Variants in ADGRL2 observed in about 807,000 individuals in gnomAD.
ADGRL2 encodes the protein calcium-independent alpha-latrotoxin receptor 2.
A neutral mutation model predicts 157.4 loss-of-function variants in ADGRL2; 44 were observed. The observed-to-expected ratio is 0.28, with a 90% confidence interval of 0.22 to 0.36. The LOEUF is 0.36. Ranked by LOEUF, ADGRL2 falls within the 10% of genes least tolerant of loss-of-function variation. ADGRL2 has a pLI of 1.00. For synonymous variants in ADGRL2, 585 were observed against 624.7 expected, an observed-to-expected ratio of 0.94 and a Z score of 0.95; for missense variants, 1,510 against 1,768.9, an observed-to-expected ratio of 0.85 and a Z score of 2.63.
At chr1:81,753,535 G>A (rs1376908427) in intron 1 of ADGRL2, among the ~76,000 whole-genome samples, 1 of 152,132 alleles carries the variant, frequency 6.6e-6, no homozygotes, top group Non-Finnish European at 1.5e-5. Flanking sequence ...AATTTATGGA[G>A]TAGGGTTGAA....
chr1:81,656,102 A>G (rs911570366), intron 3 of ADGRL2, among the ~76,000 whole-genome samples: 4 of 152,304 alleles, frequency 2.6e-5, no homozygotes, highest in South Asian at 4.1e-4. Context: ...ATTGTCTTCT[A>G]TCTCCCACTA....
At chr1:81,821,854 T>G (rs1437091822) in intron 1 of ADGRL2, among the ~76,000 whole-genome samples, 1 of 152,134 alleles carries the variant, frequency 6.6e-6, no homozygotes, top group African/African-American at 2.4e-5. Context: ...TGCTGAGATT[T>G]ATTGTCAATG....
intron 3 of ADGRL2, among the ~76,000 whole-genome samples, chr1:81,660,354 C>A: frequency 6.6e-6 from 1 of 152,012 alleles, no homozygotes; most frequent in East Asian, 1.9e-4. Flanking sequence ...ATCTGCACTC[C>A]CTTTGTGACC....
chr1:81,869,906 G>A (rs528807594), intron 2 of ADGRL2, among the ~76,000 whole-genome samples: 162 of 152,024 alleles, frequency 1.1e-3, no homozygotes, highest in Non-Finnish European at 1.8e-3. Flanking sequence ...GAATTTGTTA[G>A]CTATTTGATC....
intron 17 of ADGRL2, among the ~76,000 whole-genome samples, chr1:81,975,229 A>T (rs1183677972): frequency 1.3e-5 from 2 of 152,078 alleles, no homozygotes; most frequent in Non-Finnish European, 2.9e-5. Flanking sequence ...GCCTATACTT[A>T]CTAGTAGTGG....
intron 2 of ADGRL2, among the ~76,000 whole-genome samples, chr1:81,454,774 C>T (rs2077769662): frequency 6.6e-6 from 1 of 152,182 alleles, no homozygotes; most frequent in African/African-American, 2.4e-5. Flanking sequence ...AATGCTCCTT[C>T]CTTTTCTTTT....
At chr1:81,543,454 T>C (rs952812675) in intron 2 of ADGRL2, among the ~76,000 whole-genome samples, 1 of 152,242 alleles carries the variant, frequency 6.6e-6, no homozygotes, top group African/African-American at 2.4e-5. Flanking sequence ...GAAATACATT[T>C]CTGCTGTTTA....
intron 3 of ADGRL2, among the ~76,000 whole-genome samples, chr1:81,634,544 T>A (rs2082079306): frequency 6.6e-6 from 1 of 151,166 alleles, no homozygotes; most frequent in East Asian, 2.0e-4. Flanking sequence ...TGTTTGTTTG[T>A]TTGTTTTTGA....
chr1:81,521,146 A>G (rs979312573), intron 2 of ADGRL2, among the ~76,000 whole-genome samples: 8 of 152,166 alleles, frequency 5.3e-5, no homozygotes, highest in Non-Finnish European at 1.2e-4. Context: ...ATCAGTGGGG[A>G]AAAAAGTAAA....
chr1:81,671,062 C>G (rs2082865193), intron 3 of ADGRL2, among the ~76,000 whole-genome samples: 1 of 152,188 alleles, frequency 6.6e-6, no homozygotes, highest in African/African-American at 2.4e-5. Context: ...AAGGCCTGGG[C>G]AAGAGTGCAA....
At chr1:81,987,083 GATCTTTGCCCTGTTTCTAAAA>G in intron 22 of ADGRL2, 54 bp downstream of exon 22, 3 of 1,576,124 alleles carry the variant, frequency 1.9e-6, no homozygotes, top group Non-Finnish European at 2.6e-6. Flanking sequence ...ACAGAGCTAT[GATCTTTGCCCTGTTTCTAAAA>G]TATTCAAGTT....
At chr1:81,396,925 C>T (rs115995106) in intron 1 of ADGRL2, among the ~76,000 whole-genome samples, 1,581 of 152,126 alleles carry the variant, frequency 0.01, 31 homozygotes, top group African/African-American at 0.036. Flanking sequence ...GGGATGTTGG[C>T]CTCTAATGTT....
chr1:81,940,784 A>G (rs764033147), intron 4 of ADGRL2, among the ~76,000 whole-genome samples: 8 of 151,612 alleles, frequency 5.3e-5, no homozygotes, highest in Non-Finnish European at 1.0e-4. Flanking sequence ...CAGTCTTGTC[A>G]TTTTATGAAA....
intron 1 of ADGRL2, among the ~76,000 whole-genome samples, chr1:81,322,101 TATATATATACAC>T (rs1361526142): frequency 8.4e-6 from 1 of 118,386 alleles, no homozygotes; most frequent in Admixed American, 9.3e-5. Context: ...TATATATATA[TATATATATACAC>T]ATATATATAT....
intron 1 of ADGRL2, among the ~76,000 whole-genome samples, chr1:81,377,730 T>TA (rs1241471822): frequency 6.6e-6 from 1 of 152,148 alleles, no homozygotes; most frequent in Non-Finnish European, 1.5e-5. Flanking sequence ...ATTCTTCACT[T>TA]AAAAATGTTT....
At position 81,607,014 on chromosome 1, in the gene ADGRL2, A is replaced by G. The variant is rs558599737; in HGVS notation, c.-143+26034A>G. ...TGAATCATTTCTATGAACTTTCAGAACTCAAGATCTCTTCATCAACTTTAT... is the reference window on the plus strand; with the variant it reads ...TGAATCATTTCTATGAACTTTCAGAGCTCAAGATCTCTTCATCAACTTTAT... On this transcript the variant is annotated intron_variant, in intron 3 of 24. Transcript: ENST00000370721. 3.9e-5 allele frequency among the ~76,000 whole-genome samples: 6 copies of G among 152,228 alleles called. No homozygotes were observed. The South Asian group carries it at 1.2e-3, about 32-fold the overall frequency.
intron 1 of ADGRL2, among the ~76,000 whole-genome samples, chr1:81,392,090 CAT>C (rs1217658882): frequency 6.6e-6 from 1 of 151,898 alleles, no homozygotes; most frequent in Non-Finnish European, 1.5e-5. Context: ...TTCTATTGTC[CAT>C]ACTGTCAACC....
Position 81,705,021 on chromosome 1 carries a change from C to A in ADGRL2, c.-143+5213C>A, listed in dbSNP as rs548435509. 1.1e-3 allele frequency among the ~76,000 whole-genome samples: 160 copies of A among 152,222 alleles called. 5 individuals are homozygous for A. Among genetic ancestry groups the A allele is most frequent in the Non-Finnish European group, 7.2e-4 (49 of 68,004 alleles). ...ATATGGGAATGCACATAAACATGAA[C>A]AAAACAGTGTTGTTGTTTTCTTTTA... On this transcript the variant is annotated intron_variant, in intron 1 of 20. Coordinates refer to the ADGRL2 transcript ENST00000359929.
chr1:81,772,065 C>A (rs1231979856), intron 2 of ADGRL2, among the ~76,000 whole-genome samples: 1 of 152,104 alleles, frequency 6.6e-6, no homozygotes, highest in Non-Finnish European at 1.5e-5. Context: ...GCTTGGCCAG[C>A]ATGGCGAAAC....
Sources: allele counts gnomAD v4.1 joint callset (sites outside exome capture counted in the v4.1 genomes callset), GRCh38; gene constraint gnomAD v4.1.1; transcripts MANE v1.5; gene names NCBI Gene and HGNC (gene_info 2026-07-23, HGNC 2026-07-21).